Variants in GALNT17 observed in about 807,000 individuals in gnomAD.
GALNT17 encodes UDP-GalNAc:polypeptide N-acetylgalactosaminyltransferase-like 3.
A neutral mutation model predicts 63.7 loss-of-function variants in GALNT17; 29 were observed. The observed-to-expected ratio is 0.46, with a 90% CI of 0.34 to 0.62. The LOEUF (loss-of-function observed/expected upper bound fraction) is 0.62. Among genes scored for constraint, GALNT17 ranks in the 20% least tolerant of loss-of-function variants. The pLI is 0.01. For synonymous variants in GALNT17, 305 were observed against 318.3 expected, an observed-to-expected ratio of 0.96 and a Z score of 0.45; for missense variants, 603 against 799.6, an observed-to-expected ratio of 0.75 and a Z score of 2.97.
At chr7:71,201,241 T>TTA (rs760770848) in intron 1 of GALNT17, among the ~76,000 whole-genome samples, 1,504 of 138,434 alleles carry the variant, frequency 0.011, 18 homozygotes, top group Non-Finnish European at 0.014. Flanking sequence ...GTGTTTATTT[T>TTA]TATATATATA....
intron 5 of GALNT17, among the ~76,000 whole-genome samples, chr7:71,508,908 G>A (rs117832399): frequency 5.3e-5 from 8 of 152,226 alleles, no homozygotes; most frequent in Non-Finnish European, 5.9e-5. Context: ...GTTCTTGTGC[G>A]TGCGCTCGTG....
chr7:71,430,761 G>A (rs1409274594), intron 5 of GALNT17, among the ~76,000 whole-genome samples: 5 of 152,188 alleles, frequency 3.3e-5, no homozygotes, highest in South Asian at 2.1e-4. Flanking sequence ...GCACAGATAT[G>A]TACAAAGGGA....
intron 6 of GALNT17, among the ~76,000 whole-genome samples, chr7:71,642,346 T>C (rs1790616642): frequency 6.6e-6 from 1 of 152,166 alleles, no homozygotes; most frequent in South Asian, 2.1e-4. Context: ...CTTTGCAAAG[T>C]ATCTGACACT....
intron 5 of GALNT17, among the ~76,000 whole-genome samples, chr7:71,560,626 C>T (rs1789240553): frequency 6.6e-6 from 1 of 152,186 alleles, no homozygotes; most frequent in South Asian, 2.1e-4. Context: ...ACCCAGGTTG[C>T]ATGTGATGGT....
At chr7:71,253,349 G>A (rs1790234470) in intron 1 of GALNT17, among the ~76,000 whole-genome samples, 1 of 152,102 alleles carries the variant, frequency 6.6e-6, no homozygotes, top group Admixed American at 6.6e-5. Flanking sequence ...AAAACCATCA[G>A]ATCTCATGAG....
At chr7:71,382,660 G>A (rs909470857) in intron 2 of GALNT17, among the ~76,000 whole-genome samples, 2 of 152,100 alleles carry the variant, frequency 1.3e-5, no homozygotes, top group Admixed American at 1.3e-4. Context: ...GTGACAGGAA[G>A]GAGAGGTTGC....
At chr7:71,426,355 A>G (rs1373751857) in intron 5 of GALNT17, among the ~76,000 whole-genome samples, 4 of 152,220 alleles carry the variant, frequency 2.6e-5, no homozygotes, top group Non-Finnish European at 5.9e-5. Flanking sequence ...TTTGTGCAGC[A>G]CTGACCCAGC....
At position 71,576,568 on chromosome 7, in the gene GALNT17, T is replaced by G. The variant is rs368788563; in HGVS notation, c.1080+5166T>G. ...GTGTGTGTGTGTGTGTGTGTGTGTT[T>G]TGTTTGTTTGTTTGTTTTTTGAGAC... On this transcript the variant is annotated intron_variant, in intron 6 of 10. Transcript: ENST00000333538. 5.8e-4 allele frequency among the ~76,000 whole-genome samples: 88 copies of G among 151,030 alleles called. 1 individual carries two copies. The highest frequency in any genetic ancestry group is 8.4e-4 in the South Asian group (4 of 4,744).
chr7:71,593,640 A>G (rs1268217635), intron 6 of GALNT17, among the ~76,000 whole-genome samples: 3 of 152,200 alleles, frequency 2.0e-5, no homozygotes, highest in Admixed American at 1.3e-4. Flanking sequence ...AACTTCTTCA[A>G]TGGAGACCCA....
At chr7:71,186,486 C>CT (rs1788853554) in intron 1 of GALNT17, among the ~76,000 whole-genome samples, 1 of 152,204 alleles carries the variant, frequency 6.6e-6, no homozygotes, top group Admixed American at 6.5e-5. Flanking sequence ...CTTCTTTGGA[C>CT]ACTTCATGGC....
chr7:71,547,374 C>G (rs922193048), intron 5 of GALNT17, among the ~76,000 whole-genome samples: 45 of 152,030 alleles, frequency 3.0e-4, no homozygotes, highest in African/African-American at 1.0e-3. Context: ...AGGCTGATCT[C>G]AAACTCCTGA....
intron 1 of GALNT17, among the ~76,000 whole-genome samples, chr7:71,312,362 C>G (rs939830125): frequency 2.0e-5 from 3 of 152,182 alleles, no homozygotes; most frequent in Admixed American, 1.3e-4. Context: ...TTACTTCTAC[C>G]AGCTCTTATC....
chr7:71,679,385 C>T (rs1441006818), intron 9 of GALNT17, among the ~76,000 whole-genome samples: 2 of 152,028 alleles, frequency 1.3e-5, no homozygotes, highest in African/African-American at 2.4e-5. Flanking sequence ...CAGAGTGAGA[C>T]CTTGTCTCTT....
intron 5 of GALNT17, among the ~76,000 whole-genome samples, chr7:71,511,766 G>T (rs1788360063): frequency 6.6e-6 from 1 of 152,074 alleles, no homozygotes; most frequent in African/African-American, 2.4e-5. Flanking sequence ...ACAACCTTAG[G>T]TGGCAGTCCT....
chr7:71,188,182 C>G (rs1052915031), intron 1 of GALNT17, among the ~76,000 whole-genome samples: 2 of 133,122 alleles, frequency 1.5e-5, no homozygotes, highest in African/African-American at 8.3e-5. Flanking sequence ...AATGTGCTGC[C>G]ATAAACGTGT....
At chr7:71,491,433 A>G (rs1030027208) in intron 5 of GALNT17, among the ~76,000 whole-genome samples, 13 of 152,264 alleles carry the variant, frequency 8.5e-5, no homozygotes, top group African/African-American at 3.1e-4. Context: ...AGCGAGGTCC[A>G]TCATGGCAGG....
rs185037177 is a variant in GALNT17, at chr7:71,180,165, G to A, written c.238+47125G>A. On this transcript the variant is annotated intron_variant, in intron 1 of 10. Coordinates refer to ENST00000333538, the MANE Select transcript of GALNT17 (RefSeq NM_022479.3). ...TTTTGAGATGGAGTGTCGCTCTGTC[G>A]CCCAGGCTGGAGTGTAATGGTGTGA... Among the ~76,000 whole-genome samples, 1,057 of 151,670 alleles carry A rather than the reference G, an allele frequency of 7.0e-3. 6 individuals carry two copies. The highest frequency in any genetic ancestry group is 0.012 in the Non-Finnish European group (824 of 67,934).
chr7:71,651,644 A>G (rs1790756669), intron 6 of GALNT17, among the ~76,000 whole-genome samples: 1 of 152,140 alleles, frequency 6.6e-6, no homozygotes, highest in Non-Finnish European at 1.5e-5. Context: ...GTCCTCTATG[A>G]CAGTCACAAG....
intron 1 of GALNT17, among the ~76,000 whole-genome samples, chr7:71,156,413 A>G (rs560729982): frequency 3.9e-5 from 6 of 151,914 alleles, no homozygotes; most frequent in South Asian, 2.1e-4. Context: ...TTGGGAATAT[A>G]CACATTTTTC....
Sources: gnomAD v4.1 joint callset for allele counts (sites outside exome capture counted in the v4.1 genomes callset) on GRCh38, gnomAD v4.1.1 for gene constraint, MANE v1.5 for transcripts, NCBI Gene and HGNC (gene_info 2026-07-23, HGNC 2026-07-21) for gene names.